The following CYREN variants were observed in gnomAD, a reference collection of about 807,000 sequenced individuals.
CYREN encodes cell cycle regulator of non-homologous end joining.
Under a neutral mutation model 9.7 loss-of-function variants are expected in CYREN, and 7 were observed. That is an observed-to-expected ratio of 0.72 (90% confidence interval 0.41 to 1.36). The LOEUF (loss-of-function observed/expected upper bound fraction) is 1.36, where lower values mean the gene tolerates loss of function less well. Ranked by LOEUF, CYREN falls within the 40% of genes most tolerant of loss-of-function variation. The pLI is 0.01. For missense variants in CYREN, 215 were observed against 198.1 expected (o/e 1.09, Z -0.51); for synonymous variants, 76 against 77.9 (o/e 0.98, Z 0.13).
At chr7:135,094,889 G>T (rs1053112022) in intron 2 of CYREN, among the ~76,000 whole-genome samples, 1 of 152,174 alleles carries the variant, frequency 6.6e-6, no homozygotes, top group Non-Finnish European at 1.5e-5. Context: ...ATTTGCAACA[G>T]CTGGCAAGGA....
At chr7:135,167,261 T>A in intron 3 of CYREN, 1 of 1,073,812 alleles carries the variant, frequency 9.3e-7, no homozygotes, top group Non-Finnish European at 1.1e-6. Flanking sequence ...TAAAATGACA[T>A]AACGCATGCT....
chr7:135,150,580 G>A (rs927718662), intron 2 of CYREN, among the ~76,000 whole-genome samples: 7 of 152,260 alleles, frequency 4.6e-5, no homozygotes, highest in South Asian at 4.1e-4. Flanking sequence ...TTGTAATTGC[G>A]GAAGAGAGGG....
upstream of CYREN, among the ~76,000 whole-genome samples, chr7:135,171,314 T>TG (rs1262312435): frequency 1.2e-4 from 1 of 8,408 alleles, no homozygotes; most frequent in East Asian, 0.017. Flanking sequence ...TACCTGTTTT[T>TG]TTTTTTTTTT....
At chr7:135,104,676 T>A (rs952423746) in intron 2 of CYREN, among the ~76,000 whole-genome samples, 1 of 152,206 alleles carries the variant, frequency 6.6e-6, no homozygotes, top group Non-Finnish European at 1.5e-5. Flanking sequence ...TCTTTAATGA[T>A]CAGTGATATT....
At chr7:135,170,539 G>A (rs992408037) in intron 1 of CYREN, 113 bp downstream of exon 1, 2 of 152,304 alleles carry the variant, frequency 1.3e-5, no homozygotes, top group Non-Finnish European at 2.9e-5. Context: ...TCCTCCGGCC[G>A]GCTACTGGCT....
chr7:135,094,397 G>A (rs768931831), exon 3 of CYREN: 1 of 456,590 alleles, frequency 2.2e-6, no homozygotes, highest in East Asian at 6.9e-5. Context: ...GAAGCTGCTA[G>A]AATCATAAAC....
chr7:135,128,691 C>A (rs1270033329), intron 2 of CYREN: 1 of 1,318,464 alleles, frequency 7.6e-7, no homozygotes. Context: ...TATTGTCTCT[C>A]CTTTTGAGCT....
chr7:135,140,778 T>G (rs1829438430), intron 2 of CYREN, among the ~76,000 whole-genome samples: 1 of 152,170 alleles, frequency 6.6e-6, no homozygotes. Flanking sequence ...GAAGGGATGC[T>G]GAATTTTATC....
At chr7:135,155,719 C>T (rs981740466) in intron 2 of CYREN, among the ~76,000 whole-genome samples, 7 of 152,140 alleles carry the variant, frequency 4.6e-5, no homozygotes, top group African/African-American at 1.7e-4. Context: ...GGCATGGTGG[C>T]ACATGTCTGT....
intron 2 of CYREN, among the ~76,000 whole-genome samples, chr7:135,126,371 C>T (rs1827868269): frequency 6.6e-6 from 1 of 151,758 alleles, no homozygotes; most frequent in African/African-American, 2.4e-5. Context: ...AACTACAGAC[C>T]ACCAAGGAAA....
intron 2 of CYREN, among the ~76,000 whole-genome samples, chr7:135,110,741 C>G (rs1825515278): frequency 6.6e-6 from 1 of 152,224 alleles, no homozygotes; most frequent in Non-Finnish European, 1.5e-5. Context: ...CCTTCAGTTT[C>G]TCTCCATGAG....
intron 2 of CYREN, among the ~76,000 whole-genome samples, chr7:135,096,343 GAAAGAAAGAA>G (rs1482817308): frequency 6.7e-6 from 1 of 148,932 alleles, no homozygotes; most frequent in African/African-American, 2.5e-5. Flanking sequence ...AAAGAGGAAA[GAAAGAAAGAA>G]AGAGAGAGAC....
At chr7:135,150,148 T>C (rs899937165) in intron 2 of CYREN, among the ~76,000 whole-genome samples, 2 of 152,218 alleles carry the variant, frequency 1.3e-5, no homozygotes, top group Non-Finnish European at 2.9e-5. Flanking sequence ...TATTTGGGTA[T>C]GTGGAGTGAG....
chr7:135,168,811 C>A lies in CYREN; in HGVS notation c.112G>T (p.Ala38Ser), dbSNP rs1203162499. 6.2e-7 allele frequency: 1 copy of A among 1,614,102 alleles called. No individual in the cohort carries two copies. Among genetic ancestry groups the A allele is most frequent in the Non-Finnish European group, 8.5e-7 (1 of 1,179,978 alleles). ...PMKAPKRMRM[A>S]AVPVAAARLP... The stretch of plus-strand genomic sequence containing the variant: ...CTTGCTGCTGCCACTGGCACTGCTG[C>A]CATTCTCATCCTCTTGGGGGCCTTC... Residue 38 changes from alanine to serine, a missense_variant, in exon 2 of 4, where the codon GCA (alanine) becomes TCA (serine). Physicochemically the swap from Ala to Ser is moderately conservative, Grantham distance 99. Transcript: ENST00000393114.
chr7:135,104,753 C>A (rs1344867042), intron 2 of CYREN, among the ~76,000 whole-genome samples: 1 of 149,642 alleles, frequency 6.7e-6, no homozygotes, highest in Non-Finnish European at 1.5e-5. Flanking sequence ...ATGTCCTTTG[C>A]CCACTTTTTA....
intron 2 of CYREN, among the ~76,000 whole-genome samples, chr7:135,150,474 G>A (rs549610370): frequency 1.3e-5 from 2 of 152,308 alleles, no homozygotes; most frequent in South Asian, 4.1e-4. Context: ...TGATTCCCCA[G>A]GGCCTCTGAT....
At chr7:135,113,574 T>C (rs1269830898) in intron 2 of CYREN, among the ~76,000 whole-genome samples, 4 of 152,238 alleles carry the variant, frequency 2.6e-5, no homozygotes, top group Admixed American at 6.5e-5. Context: ...TTATAAATTA[T>C]AGGACATTTT....
chr7:135,128,764 C>T (rs781398787), intron 2 of CYREN: 29 of 1,346,022 alleles, frequency 2.2e-5, no homozygotes, highest in Admixed American at 3.5e-5. Flanking sequence ...CAACACAGAG[C>T]TAGATTTTGG....
In CYREN at chr7:135,143,196, A is replaced by C. The variant is rs548749188; in HGVS notation, n.356+25553T>G. The stretch of plus-strand genomic sequence containing the variant: ...ACCCTGTTTCTACAAAAATAAATAA[A>C]AAGAAAATTCTAAAAACGGACTTAC... On this transcript the variant is annotated intron_variant and non_coding_transcript_variant, in intron 2 of 2. Coordinates refer to the CYREN transcript ENST00000459937. Among the ~76,000 whole-genome samples the C allele has an allele frequency of 2.6e-5, 4 of 152,302 alleles. No homozygotes were observed. The East Asian group carries it at 7.7e-4, about 29-fold the overall frequency.
Sources: allele counts gnomAD v4.1 joint callset (sites outside exome capture counted in the v4.1 genomes callset), GRCh38; gene constraint gnomAD v4.1.1; transcripts MANE v1.5; gene names NCBI Gene and HGNC (gene_info 2026-07-23, HGNC 2026-07-21).